WDR59: variants seen among roughly 807,000 people sequenced by gnomAD.
The protein encoded by WDR59 is GATOR2 complex protein WDR59.
Under a neutral mutation model 131.2 loss-of-function variants are expected in WDR59, and 100 were observed. The ratio of observed to expected loss-of-function variants is 0.76; its 90% CI spans 0.65 to 0.90. The LOEUF (loss-of-function observed/expected upper bound fraction) is 0.90. WDR59 is among the 40% of genes least tolerant of loss of function. WDR59 has a pLI of 0.00. For missense variants in WDR59, 1,203 were observed against 1,262.2 expected (o/e 0.95, Z 0.71); for synonymous variants, 601 against 466.2 (o/e 1.29, Z -3.72).
chr16:74,942,078 C>G (rs1207117067), intron 7 of WDR59, among the ~76,000 whole-genome samples: 1 of 152,070 alleles, frequency 6.6e-6, no homozygotes, highest in Non-Finnish European at 1.5e-5. Context: ...TTCCCTGTGC[C>G]ACGACCCTCA....
intron 2 of WDR59, among the ~76,000 whole-genome samples, chr16:74,956,872 A>C (rs1453475626): frequency 6.6e-6 from 1 of 151,992 alleles, no homozygotes; most frequent in African/African-American, 2.4e-5. Context: ...GAGAGTCTGG[A>C]TTCACCTCCA....
intron 17 of WDR59, chr16:74,904,390 G>T: frequency 4.0e-6 from 1 of 250,082 alleles, no homozygotes; most frequent in Non-Finnish European, 7.7e-6. Context: ...CTATCAATTA[G>T]AAACAAATAT....
Position 74,889,824 on chromosome 16 carries a change from A to T in WDR59, c.2083-9T>A. On this transcript the variant is annotated splice_polypyrimidine_tract_variant and intron_variant, in intron 20 of 25. Transcript: ENST00000262144. ...GTAGCCAGCGACCAAACCTGGACAG[A>T]TCAAAGAGAAATACAAACTCAAACT... is the stretch of plus-strand genomic sequence containing the variant. The T allele has an allele frequency of 6.3e-7, 1 of 1,598,722 alleles. No homozygotes were observed. Among genetic ancestry groups the T allele is most frequent in the South Asian group, 1.1e-5 (1 of 88,224 alleles).
intron 2 of WDR59, among the ~76,000 whole-genome samples, chr16:74,963,436 G>T (rs1435225444): frequency 3.3e-5 from 5 of 152,144 alleles, no homozygotes; most frequent in Non-Finnish European, 7.3e-5. Flanking sequence ...CATGTACTTT[G>T]CAGGGACATG....
chr16:74,973,480 T>C (rs1422324336), intron 1 of WDR59, among the ~76,000 whole-genome samples: 2 of 151,976 alleles, frequency 1.3e-5, no homozygotes, highest in African/African-American at 4.8e-5. Flanking sequence ...AGGGATGGGG[T>C]CTCACTCTGT....
chr16:74,947,880 G>A (rs2032743595), intron 6 of WDR59, among the ~76,000 whole-genome samples: 2 of 152,288 alleles, frequency 1.3e-5, no homozygotes, highest in Non-Finnish European at 1.5e-5. Context: ...AGACCAGCCT[G>A]GCCAATACAG....
Position 74,874,333 on chromosome 16 carries a change from G to A in WDR59, c.2801C>T (p.Ser934Leu), listed in dbSNP as rs776566274. The A allele has an allele frequency of 1.2e-5, 19 of 1,613,978 alleles. No homozygotes were observed. In the South Asian group the frequency reaches 1.2e-4, roughly 10 times the overall value. The change falls in exon 26 of 26, where the codon TCG becomes TTG. Residue 934 changes from serine (S) to leucine (L), a missense_variant. Physicochemically the swap from Ser to Leu is moderately radical, Grantham distance 145. Transcript: ENST00000262144. ...CAICHVAVRG[S>L]SNFCLTCGHG... is the part of the protein sequence containing the mutation. The stretch of plus-strand genomic sequence containing the variant: ...CCCACAGGTCAGGCAGAAATTGGAC[G>A]ATCCCCGCACAGCCACGTGACAGAT...
At chr16:74,903,844 G>C (rs897402397) in intron 18 of WDR59, 103 bp downstream of exon 18, 1 of 1,367,114 alleles carries the variant, frequency 7.3e-7, no homozygotes, top group African/African-American at 1.5e-5. Flanking sequence ...AAAGTGAAAG[G>C]CTACAGGGTG....
intron 19 of WDR59, 148 bp downstream of exon 19, chr16:74,893,531 G>C: frequency 1.2e-6 from 1 of 832,330 alleles, no homozygotes; most frequent in South Asian, 2.4e-5. Context: ...TAAGTTTGTG[G>C]GAATTTGTCC....
At chr16:74,883,266 A>G (rs143513116) in intron 25 of WDR59, among the ~76,000 whole-genome samples, 2,612 of 151,688 alleles carry the variant, frequency 0.017, 58 homozygotes, top group African/African-American at 0.057. Context: ...CTCATGATCC[A>G]TCCACCTCAG....
intron 10 of WDR59, among the ~76,000 whole-genome samples, chr16:74,918,378 C>T (rs777258867): frequency 6.6e-6 from 1 of 152,152 alleles, no homozygotes; most frequent in East Asian, 1.9e-4. Context: ...AGGTAAAGAG[C>T]GATGCTGGGA....
chr16:74,948,665 G>A lies in WDR59; in HGVS notation c.408-109C>T, dbSNP rs552247641. The A allele has an allele frequency of 7.7e-6, 7 of 910,232 alleles. No homozygotes were observed. In the South Asian group the frequency reaches 9.6e-5, roughly 13 times the overall value. 56.4% of individuals were successfully genotyped at this position (910,232 alleles called of 1,614,324 possible). ...TCGCTTTCCTTTCAGTGGGAACTTG[G>A]AGTAGGTAGATCCGCTGTGAGGGCC... is the stretch of plus-strand genomic sequence containing the variant. On this transcript the variant is annotated intron_variant, in intron 5 of 25. Coordinates refer to ENST00000262144, the MANE Select transcript of WDR59 (RefSeq NM_030581.4).
intron 1 of WDR59, among the ~76,000 whole-genome samples, chr16:74,974,803 C>T (rs76687540): frequency 0.011 from 1,740 of 152,270 alleles, 34 homozygotes; most frequent in African/African-American, 0.039. Context: ...TACACAATGT[C>T]TCTCACACAT....
intron 25 of WDR59, among the ~76,000 whole-genome samples, chr16:74,882,807 C>CAAAAAAAAAAA (rs569507124): frequency 1.2e-3 from 60 of 51,388 alleles, no homozygotes; most frequent in Admixed American, 1.7e-3. Flanking sequence ...AACACTGTCT[C>CAAAAAAAAAAA]AAAAAAAAAA....
intron 6 of WDR59, among the ~76,000 whole-genome samples, chr16:74,945,293 A>G (rs370495341): frequency 3.2e-4 from 49 of 151,268 alleles, no homozygotes; most frequent in Middle Eastern, 6.8e-3. Flanking sequence ...TGGCTAACAC[A>G]GTGAAACCCT....
intron 6 of WDR59, among the ~76,000 whole-genome samples, chr16:74,948,271 G>A (rs1321340550): frequency 1.3e-5 from 2 of 152,182 alleles, no homozygotes; most frequent in African/African-American, 4.8e-5. Flanking sequence ...CTTGGCTCTT[G>A]TCCTTGGACT....
chr16:74,927,567 A>G (rs2030941676), intron 8 of WDR59, among the ~76,000 whole-genome samples: 3 of 148,580 alleles, frequency 2.0e-5, no homozygotes, highest in South Asian at 2.2e-4. Context: ...CAGCCTGGGC[A>G]ATAGAGCGAG....
Position 74,909,585 on chromosome 16 carries a change from CA to C in WDR59, c.1557del (p.Phe519LeufsTer4), listed in dbSNP as rs768148521. The stretch of plus-strand genomic sequence containing the variant: ...GACCCGTAAGCCGTGGTCACCCGCG[CA>C]AACGTCGGTAAGGGGGGAGTGACAG... Reference protein sequence around the residue: ...PNSVTPPLPTFARVTTAYGSY... With the variant: ...PNSVTPPLPTXARVTTAYGSY... On this transcript the variant is annotated frameshift_variant, in exon 16 of 26. Transcript: ENST00000262144. LOFTEE classifies it high-confidence loss of function. 1.4e-5 allele frequency: 22 copies of C among 1,610,560 alleles called. No individual in the cohort carries two copies. The highest frequency in any genetic ancestry group is 1.8e-5 in the Non-Finnish European group (21 of 1,178,800).
intron 17 of WDR59, among the ~76,000 whole-genome samples, chr16:74,908,219 A>G (rs1597687858): frequency 6.6e-6 from 1 of 152,212 alleles, no homozygotes; most frequent in South Asian, 2.1e-4. Flanking sequence ...GGAGTTTGAG[A>G]CCAGCCTGGC....
Sources: gnomAD v4.1 joint callset for allele counts (sites outside exome capture counted in the v4.1 genomes callset) on GRCh38, gnomAD v4.1.1 for gene constraint, MANE v1.5 for transcripts, NCBI Gene and HGNC (gene_info 2026-07-23, HGNC 2026-07-21) for gene names.